The following PPP1R9A variants were observed in gnomAD, a reference collection of about 807,000 sequenced individuals.
PPP1R9A encodes the protein protein phosphatase 1 regulatory subunit 9A, also known as neurabin-1.
PPP1R9A carries 59 observed loss-of-function variants against 141.9 expected under a neutral mutation model. That is an observed-to-expected ratio of 0.42 (90% CI 0.34 to 0.52). The LOEUF is 0.52. Ranked by LOEUF, PPP1R9A falls within the 20% of genes least tolerant of loss-of-function variation. The pLI, the probability that PPP1R9A is intolerant of heterozygous loss-of-function variation, is 0.10. For synonymous variants in PPP1R9A, 500 were observed against 569.7 expected, an observed-to-expected ratio of 0.88 and a Z score of 1.74; for missense variants, 1,444 against 1,611.9, an observed-to-expected ratio of 0.90 and a Z score of 1.78.
chr7:95,116,516 G>C (rs766398448), intron 3 of PPP1R9A, among the ~76,000 whole-genome samples: 8 of 151,984 alleles, frequency 5.3e-5, no homozygotes, highest in Admixed American at 2.0e-4. Context: ...TTATTACTAA[G>C]AAAAACATGA....
chr7:95,074,753 C>T (rs889789374), intron 2 of PPP1R9A, among the ~76,000 whole-genome samples: 5 of 151,978 alleles, frequency 3.3e-5, no homozygotes, highest in African/African-American at 7.2e-5. Context: ...GGATTACAGG[C>T]GTGATCCATC....
At chr7:94,919,691 T>A (rs1792545468) in intron 2 of PPP1R9A, among the ~76,000 whole-genome samples, 1 of 152,202 alleles carries the variant, frequency 6.6e-6, no homozygotes, top group African/African-American at 2.4e-5. Flanking sequence ...TGTGCCTACA[T>A]GCTATTATCT....
At chr7:95,282,443 G>C (rs897738883) in intron 16 of PPP1R9A, among the ~76,000 whole-genome samples, 6 of 152,192 alleles carry the variant, frequency 3.9e-5, no homozygotes, top group African/African-American at 1.4e-4. Flanking sequence ...AAGTGGAAGA[G>C]GGGGATGAGA....
intron 2 of PPP1R9A, among the ~76,000 whole-genome samples, chr7:94,925,899 T>C (rs539594775): frequency 7.2e-5 from 11 of 152,226 alleles, no homozygotes; most frequent in Middle Eastern, 3.4e-3. Flanking sequence ...TGATCACAGC[T>C]CACTACAGCC....
chr7:95,148,826 C>G (rs1828118966), intron 4 of PPP1R9A, among the ~76,000 whole-genome samples: 1 of 151,818 alleles, frequency 6.6e-6, no homozygotes, highest in Non-Finnish European at 1.5e-5. Context: ...AATATAAAAG[C>G]AAAGATAATA....
chr7:94,977,223 G>A (rs537161191), intron 2 of PPP1R9A, among the ~76,000 whole-genome samples: 2 of 152,242 alleles, frequency 1.3e-5, no homozygotes, highest in East Asian at 3.9e-4. Flanking sequence ...CTGGGTTGAA[G>A]AGAAATTTGG....
intron 5 of PPP1R9A, among the ~76,000 whole-genome samples, chr7:95,165,627 A>G (rs762385173): frequency 2.2e-4 from 33 of 152,232 alleles, no homozygotes; most frequent in Non-Finnish European, 4.1e-4. Flanking sequence ...GGTAATTTGT[A>G]TCAGCAGCTA....
chr7:95,231,440 AAT>A (rs1188714257), intron 8 of PPP1R9A, among the ~76,000 whole-genome samples: 1 of 152,162 alleles, frequency 6.6e-6, no homozygotes, highest in Non-Finnish European at 1.5e-5. Context: ...ACAATTGCAG[AAT>A]ATACATTCTA....
chr7:94,990,711 C>T (rs1234161367), intron 2 of PPP1R9A, among the ~76,000 whole-genome samples: 1 of 151,782 alleles, frequency 6.6e-6, no homozygotes, highest in Non-Finnish European at 1.5e-5. Flanking sequence ...CCTTGTGCTT[C>T]CCCTTCTTAG....
At chr7:95,284,955 T>C (rs1805003268) in intron 17 of PPP1R9A, among the ~76,000 whole-genome samples, 1 of 152,246 alleles carries the variant, frequency 6.6e-6, no homozygotes, top group South Asian at 2.1e-4. Flanking sequence ...ACGTGATTAA[T>C]GTTACTTGAA....
At chr7:95,216,812 G>A (rs1793515493) in intron 7 of PPP1R9A, among the ~76,000 whole-genome samples, 1 of 152,118 alleles carries the variant, frequency 6.6e-6, no homozygotes, top group South Asian at 2.1e-4. Context: ...TTTGCACATT[G>A]GTTTTGTATC....
At chr7:95,074,477 T>G (rs12538601) in intron 2 of PPP1R9A, among the ~76,000 whole-genome samples, 3,916 of 139,112 alleles carry the variant, frequency 0.028, 264 homozygotes, top group East Asian at 0.21. Context: ...TTTTTTTTTT[T>G]TTGTTGTTTT....
At position 94,996,058 on chromosome 7, in the gene PPP1R9A, T is replaced by C. The variant is rs541301716; in HGVS notation, c.1395+84550T>C. ...ACTAGTGAGACAAAGTCCTTCTGAA[T>C]ACCCAGTCTATTTCTCCATAAATTA... On this transcript the variant is annotated intron_variant, in intron 2 of 19. Transcript: ENST00000433360. 2.0e-5 allele frequency among the ~76,000 whole-genome samples: 3 copies of C among 152,296 alleles called. No individual in the cohort carries two copies. In the East Asian group the frequency reaches 5.8e-4, roughly 29 times the overall value.
At chr7:95,269,829 T>C in intron 14 of PPP1R9A, among the ~76,000 whole-genome samples, 1 of 152,098 alleles carries the variant, frequency 6.6e-6, no homozygotes. Context: ...TACATAGTCA[T>C]ATAGAAAAAT....
chr7:95,017,347 T>C (rs1805243153), intron 2 of PPP1R9A, among the ~76,000 whole-genome samples: 1 of 152,170 alleles, frequency 6.6e-6, no homozygotes, highest in Non-Finnish European at 1.5e-5. Flanking sequence ...GAAAATATTT[T>C]AGGAACCCTA....
At chr7:94,916,570 A>G (rs1792105719) in intron 2 of PPP1R9A, among the ~76,000 whole-genome samples, 1 of 152,222 alleles carries the variant, frequency 6.6e-6, no homozygotes, top group African/African-American at 2.4e-5. Flanking sequence ...TCTGGATCCC[A>G]AAGTGGATTA....
intron 8 of PPP1R9A, among the ~76,000 whole-genome samples, chr7:95,233,594 G>GAC (rs755302774): frequency 2.0e-5 from 3 of 152,238 alleles, no homozygotes; most frequent in Middle Eastern, 3.4e-3. Context: ...CATTCTGTCA[G>GAC]ACATTCAAAG....
chr7:95,108,448 C>T (rs1819965337), intron 2 of PPP1R9A, among the ~76,000 whole-genome samples: 1 of 150,212 alleles, frequency 6.7e-6, no homozygotes, highest in Non-Finnish European at 1.5e-5. Context: ...GTAGCTGGGA[C>T]TACAGGTGCC....
At chr7:95,263,538 T>C (rs1223278156) in intron 12 of PPP1R9A, among the ~76,000 whole-genome samples, 1 of 151,990 alleles carries the variant, frequency 6.6e-6, no homozygotes, top group African/African-American at 2.4e-5. Context: ...GTTCAAGTGA[T>C]TCACCTGCCT....
Sources: allele counts gnomAD v4.1 joint callset (sites outside exome capture counted in the v4.1 genomes callset), GRCh38; gene constraint gnomAD v4.1.1; transcripts MANE v1.5; gene names NCBI Gene and HGNC (gene_info 2026-07-23, HGNC 2026-07-21).